TAX1BP1: variants seen among roughly 807,000 people sequenced by gnomAD.
The protein encoded by TAX1BP1 is Tax1 binding protein 1.
A neutral mutation model predicts 97.7 loss-of-function variants in TAX1BP1; 62 were observed. The ratio of observed to expected loss-of-function variants is 0.63; its 90% CI spans 0.52 to 0.78. The LOEUF is 0.78. Ranked by LOEUF, TAX1BP1 falls within the 30% of genes least tolerant of loss-of-function variation. TAX1BP1 has a pLI of 0.00. For synonymous variants in TAX1BP1, 340 were observed against 304.2 expected, an observed-to-expected ratio of 1.12 and a Z score of -1.23; for missense variants, 867 against 916.1, an observed-to-expected ratio of 0.95 and a Z score of 0.69.
chr7:27,814,095 C>CTT (rs71555715), intron 13 of TAX1BP1, among the ~76,000 whole-genome samples: 26 of 140,560 alleles, frequency 1.8e-4, no homozygotes, highest in Admixed American at 6.4e-4. Flanking sequence ...CGCACTTGGC[C>CTT]TTTTTTTTTT....
chr7:27,828,501 A>C (rs1006360623), intron 16 of TAX1BP1, 127 bp from the exon 17 acceptor site: 105 of 808,532 alleles, frequency 1.3e-4, no homozygotes, highest in Admixed American at 5.7e-5. Context: ...TCTGGAGTAA[A>C]GACTTTTAAG....
At chr7:27,752,020 T>G (rs1788038624) in intron 2 of TAX1BP1, among the ~76,000 whole-genome samples, 2 of 152,072 alleles carry the variant, frequency 1.3e-5, no homozygotes, top group Non-Finnish European at 2.9e-5. Flanking sequence ...TGTTTTAATA[T>G]TTGAGGGATA....
chr7:27,799,432 T>C (rs920561661), intron 12 of TAX1BP1, among the ~76,000 whole-genome samples: 1 of 152,160 alleles, frequency 6.6e-6, no homozygotes, highest in Non-Finnish European at 1.5e-5. Flanking sequence ...ATCCTAGAGT[T>C]TATCACTGCA....
intron 5 of TAX1BP1, among the ~76,000 whole-genome samples, chr7:27,778,027 A>C (rs1210547378): frequency 6.6e-6 from 1 of 152,170 alleles, no homozygotes; most frequent in African/African-American, 2.4e-5. Context: ...GAGCCAAGAT[A>C]TTCTTTCTCA....
chr7:27,818,630 G>A (rs986843595), intron 15 of TAX1BP1, among the ~76,000 whole-genome samples: 1 of 152,024 alleles, frequency 6.6e-6, no homozygotes, highest in Non-Finnish European at 1.5e-5. Context: ...CAGAAACTGT[G>A]GTCAATTGTC....
rs1196048823 is a variant in TAX1BP1, at chr7:27,817,017, A to G, written c.2064A>G (p.Leu688=). The change falls in exon 15 of 17, where the codon TTA becomes TTG. Residue 688 remains leucine, a synonymous_variant. Transcript: ENST00000396319. ...GAAACTTTAGTCGGCCTGATGGCTTAGAGGACTCTGAGGATAGCAAAGTAA... is the reference window on the plus strand; with the variant it reads ...GAAACTTTAGTCGGCCTGATGGCTTGGAGGACTCTGAGGATAGCAAAGTAA... ...PARNFSRPDG[L]EDSEDSKEDE... 6.2e-7 allele frequency: 1 copy of G among 1,612,358 alleles called. No individual in the cohort carries two copies. Among genetic ancestry groups the G allele is most frequent in the Non-Finnish European group, 8.5e-7 (1 of 1,179,672 alleles).
chr7:27,796,624 G>A (rs1349142879), intron 12 of TAX1BP1, among the ~76,000 whole-genome samples: 2 of 152,204 alleles, frequency 1.3e-5, no homozygotes, highest in Non-Finnish European at 2.9e-5. Context: ...CACCTTGGGA[G>A]GTCGACGTGG....
intron 5 of TAX1BP1, among the ~76,000 whole-genome samples, chr7:27,781,811 T>C (rs1789269204): frequency 6.6e-6 from 1 of 151,940 alleles, no homozygotes; most frequent in Admixed American, 6.6e-5. Flanking sequence ...CTCCAGCTCC[T>C]GGGTTCAGGT....
chr7:27,810,736 A>G (rs889575804), intron 13 of TAX1BP1, among the ~76,000 whole-genome samples: 5 of 152,090 alleles, frequency 3.3e-5, no homozygotes, highest in Non-Finnish European at 7.4e-5. Context: ...TCCCTCCCAA[A>G]GTGCTGGGAT....
intron 2 of TAX1BP1, among the ~76,000 whole-genome samples, chr7:27,751,956 G>C (rs1305788201): frequency 6.6e-6 from 1 of 152,064 alleles, no homozygotes. Flanking sequence ...CCCAGCTACA[G>C]ATACCAGTTT....
chr7:27,769,285 A>G (rs901267573), intron 4 of TAX1BP1, among the ~76,000 whole-genome samples: 4 of 151,946 alleles, frequency 2.6e-5, no homozygotes, highest in Admixed American at 2.0e-4. Context: ...AAGATTTCCT[A>G]TAGGTTTGCA....
At chr7:27,752,800 A>T (rs1455938283) in intron 2 of TAX1BP1, among the ~76,000 whole-genome samples, 2 of 152,256 alleles carry the variant, frequency 1.3e-5, no homozygotes, top group Non-Finnish European at 2.9e-5. Flanking sequence ...TTCAGAGAAT[A>T]AAGTGACTTG....
At chr7:27,808,958 CA>C (rs1029115229) in intron 13 of TAX1BP1, among the ~76,000 whole-genome samples, 1 of 152,122 alleles carries the variant, frequency 6.6e-6, no homozygotes, top group South Asian at 2.1e-4. Flanking sequence ...GATATTTTGA[CA>C]AAGTCTATTT....
At chr7:27,791,885 C>G in intron 8 of TAX1BP1, 121 bp from the exon 9 acceptor site, 2 of 823,010 alleles carry the variant, frequency 2.4e-6, no homozygotes, top group Non-Finnish European at 3.8e-6. Context: ...CTCTGTAAGT[C>G]ATGAGTAGAA....
rs1406251925 is a variant in TAX1BP1 at position 27,788,116 on chromosome 7, A to T, written c.1038+513A>T. Among the ~76,000 whole-genome samples, 53 of 151,254 alleles carry T rather than the reference A, an allele frequency of 3.5e-4. No homozygotes were observed. The East Asian group carries it at 9.6e-3, about 27-fold the overall frequency. On this transcript the variant is annotated intron_variant, in intron 8 of 16. Transcript: ENST00000396319. ...TGTCCCTACACTTTTTATGACATTG[A>T]TATTTTTGGAGAAGACAGGCTAGTC...
intron 16 of TAX1BP1, among the ~76,000 whole-genome samples, chr7:27,828,298 C>T (rs1324306084): frequency 6.6e-6 from 1 of 152,178 alleles, no homozygotes; most frequent in Non-Finnish European, 1.5e-5. Flanking sequence ...TTTATCCTTA[C>T]AGTCTTACAA....
chr7:27,758,681 A>C (rs1182549492), intron 3 of TAX1BP1, among the ~76,000 whole-genome samples: 2 of 152,306 alleles, frequency 1.3e-5, no homozygotes, highest in East Asian at 3.8e-4. Context: ...TGAGGATGTT[A>C]TGATAAGTTA....
chr7:27,809,765 T>TA (rs1475529677), intron 13 of TAX1BP1, among the ~76,000 whole-genome samples: 2 of 152,224 alleles, frequency 1.3e-5, no homozygotes, highest in Non-Finnish European at 2.9e-5. Flanking sequence ...TGCTTGACTG[T>TA]ACCAATGCAG....
At chr7:27,798,602 C>T (rs748551376) in intron 12 of TAX1BP1, among the ~76,000 whole-genome samples, 7 of 147,618 alleles carry the variant, frequency 4.7e-5, no homozygotes, top group South Asian at 4.3e-4. Context: ...AGGTGGAGGT[C>T]GCAGTGAGCC....
Sources: allele counts gnomAD v4.1 joint callset (sites outside exome capture counted in the v4.1 genomes callset), GRCh38; gene constraint gnomAD v4.1.1; transcripts MANE v1.5; gene names NCBI Gene and HGNC (gene_info 2026-07-23, HGNC 2026-07-21).